Variants in GALNT13 observed in about 807,000 individuals in gnomAD.
The protein encoded by GALNT13 is polypeptide N-acetylgalactosaminyltransferase 13.
In GALNT13, 28 loss-of-function variants were observed where a neutral mutation model predicts 64.2. The observed-to-expected ratio is 0.44, with a 90% CI of 0.32 to 0.60. The LOEUF (loss-of-function observed/expected upper bound fraction) is 0.60. Ranked by LOEUF, GALNT13 falls within the 20% of genes least tolerant of loss-of-function variation. The pLI, the probability that GALNT13 is intolerant of heterozygous loss-of-function variation, is 0.05. For missense variants in GALNT13, 577 were observed against 669.8 expected (o/e 0.86, Z 1.53); for synonymous variants, 214 against 224.6 (o/e 0.95, Z 0.42).
At chr2:153,160,773 C>G in the GALNT13 span, among the ~76,000 whole-genome samples, 1 of 152,160 alleles carries the variant, frequency 6.6e-6, no homozygotes, top group Non-Finnish European at 1.5e-5. Flanking sequence ...TATAGATCCC[C>G]TTGCTAATAT....
chr2:153,860,653 G>A, the GALNT13 span, among the ~76,000 whole-genome samples: 2 of 152,162 alleles, frequency 1.3e-5, no homozygotes, highest in Non-Finnish European at 2.9e-5. Flanking sequence ...TAACTACAAA[G>A]TGGTTATATA....
chr2:153,753,542 G>A, the GALNT13 span, among the ~76,000 whole-genome samples: 1 of 152,122 alleles, frequency 6.6e-6, no homozygotes, highest in Non-Finnish European at 1.5e-5. Flanking sequence ...AGAATTCTCT[G>A]GATTACCAGG....
chr2:154,088,992 A>C (rs1469301886), intron 3 of GALNT13, among the ~76,000 whole-genome samples: 3 of 151,792 alleles, frequency 2.0e-5, no homozygotes, highest in Non-Finnish European at 4.4e-5. Flanking sequence ...GCTCTTCTTG[A>C]TTTTCTCTTT....
At chr2:153,764,919 C>A in the GALNT13 span, among the ~76,000 whole-genome samples, 2 of 152,196 alleles carry the variant, frequency 1.3e-5, no homozygotes, top group South Asian at 2.1e-4. Flanking sequence ...GGTGCAAGAC[C>A]CATGCCTTGG....
chr2:153,248,423 A>C, the GALNT13 span, among the ~76,000 whole-genome samples: 1 of 152,268 alleles, frequency 6.6e-6, no homozygotes, highest in East Asian at 1.9e-4. Context: ...CAAATTAATA[A>C]ATATAATTTA....
At chr2:153,956,971 A>T (rs1692610908) in intron 3 of GALNT13, among the ~76,000 whole-genome samples, 1 of 152,182 alleles carries the variant, frequency 6.6e-6, no homozygotes, top group Non-Finnish European at 1.5e-5. Context: ...CATTTTAACC[A>T]TTTTAAAGCC....
At chr2:153,090,183 G>A in the GALNT13 span, among the ~76,000 whole-genome samples, 1 of 152,086 alleles carries the variant, frequency 6.6e-6, no homozygotes, top group Non-Finnish European at 1.5e-5. Context: ...CTTAGGATGG[G>A]GCTTCTTGAG....
chr2:153,860,198 T>C, the GALNT13 span, among the ~76,000 whole-genome samples: 1 of 152,244 alleles, frequency 6.6e-6, no homozygotes, highest in African/African-American at 2.4e-5. Context: ...CAAAATATTA[T>C]GATAAAATAA....
chr2:153,242,075 A>G, the GALNT13 span, among the ~76,000 whole-genome samples: 1 of 152,176 alleles, frequency 6.6e-6, no homozygotes, highest in African/African-American at 2.4e-5. Flanking sequence ...AGTCAGCCCT[A>G]GAAATTATCT....
chr2:153,280,891 C>T, the GALNT13 span, among the ~76,000 whole-genome samples: 3 of 152,102 alleles, frequency 2.0e-5, no homozygotes, highest in African/African-American at 7.2e-5. Context: ...ATTGGTCATG[C>T]GTGAAGTTTA....
chr2:153,554,188 G>A, the GALNT13 span, among the ~76,000 whole-genome samples: 7,071 of 151,660 alleles, frequency 0.047, 217 homozygotes, highest in Admixed American at 0.089. Flanking sequence ...TTAGCCAGGC[G>A]TGGTGATGGG....
the GALNT13 span, among the ~76,000 whole-genome samples, chr2:153,728,875 C>G: frequency 6.6e-6 from 1 of 152,156 alleles, no homozygotes; most frequent in African/African-American, 2.4e-5. Flanking sequence ...TGCAAGTAAA[C>G]TAGAAAATCT....
intron 9 of GALNT13, among the ~76,000 whole-genome samples, chr2:154,358,579 T>G (rs964084301): frequency 6.6e-6 from 1 of 152,090 alleles, no homozygotes; most frequent in Non-Finnish European, 1.5e-5. Context: ...TATACAATAC[T>G]ACAAAGGAAA....
At chr2:154,354,890 G>A (rs560319571) in intron 9 of GALNT13, among the ~76,000 whole-genome samples, 12 of 151,756 alleles carry the variant, frequency 7.9e-5, no homozygotes, top group East Asian at 3.9e-4. Context: ...TCTTCTACTC[G>A]AATGCCAGTG....
chr2:153,398,161 G>C, the GALNT13 span, among the ~76,000 whole-genome samples: 1 of 149,222 alleles, frequency 6.7e-6, no homozygotes, highest in Non-Finnish European at 1.5e-5. Context: ...CTATGAGTGA[G>C]AATATACGGT....
the GALNT13 span, among the ~76,000 whole-genome samples, chr2:153,105,030 C>T: frequency 3.1e-5 from 3 of 95,328 alleles, no homozygotes; most frequent in African/African-American, 1.3e-4. Context: ...TGCTATCCCT[C>T]CCCCCTCCCC....
the GALNT13 span, among the ~76,000 whole-genome samples, chr2:153,264,524 C>T: frequency 1.3e-5 from 2 of 152,200 alleles, no homozygotes; most frequent in Middle Eastern, 3.4e-3. Flanking sequence ...ATAGCAAAGA[C>T]ATGGAATCAA....
the GALNT13 span, among the ~76,000 whole-genome samples, chr2:153,296,849 TA>T: frequency 4.6e-5 from 7 of 152,108 alleles, 1 homozygote; most frequent in Admixed American, 2.6e-4. Context: ...TGTTTTTCTT[TA>T]AAAAAAATTC....
chr2:153,372,644 C>CAA, the GALNT13 span, among the ~76,000 whole-genome samples: 70 of 130,206 alleles, frequency 5.4e-4, no homozygotes, highest in East Asian at 2.3e-3. Context: ...GACTCTGTCT[C>CAA]AAAAAAAAAA....
Sources: allele counts gnomAD v4.1 joint callset (sites outside exome capture counted in the v4.1 genomes callset), GRCh38; gene constraint gnomAD v4.1.1; transcripts MANE v1.5; gene names NCBI Gene and HGNC (gene_info 2026-07-23, HGNC 2026-07-21).